NUP160: variants seen among roughly 807,000 people sequenced by gnomAD.
NUP160 encodes the protein nucleoporin 160.
Under a neutral mutation model 196.9 loss-of-function variants are expected in NUP160, and 94 were observed. That is an observed-to-expected ratio of 0.48 (90% CI 0.40 to 0.57). NUP160 has a LOEUF of 0.57. Among genes scored for constraint, NUP160 ranks in the 20% least tolerant of loss-of-function variants. The probability of loss-of-function intolerance (pLI) is 0.00; values close to 1 mark genes in which losing one functional copy is unlikely to be tolerated. For synonymous variants in NUP160, 605 were observed against 619.7 expected, an observed-to-expected ratio of 0.98 and a Z score of 0.35; for missense variants, 1,638 against 1,748.3, an observed-to-expected ratio of 0.94 and a Z score of 1.13.
intron 27 of NUP160, among the ~76,000 whole-genome samples, chr11:47,793,843 C>T (rs1003656858): frequency 1.4e-5 from 2 of 144,994 alleles, no homozygotes; most frequent in Non-Finnish European, 3.0e-5. Context: ...TGGGTTCAAG[C>T]GATTCTCCTG....
At chr11:47,791,984 G>A (rs746839583) in exon 29 of NUP160, 3 of 1,605,866 alleles carry the variant, frequency 1.9e-6, no homozygotes, top group Non-Finnish European at 2.6e-6. Context: ...GCTCCAGGGC[G>A]ATCATACTGA....
intron 27 of NUP160, chr11:47,796,378 G>T: frequency 3.6e-6 from 2 of 559,508 alleles, no homozygotes; most frequent in South Asian, 2.3e-5. Context: ...ACAAATTGCT[G>T]TTCTAAATGT....
chr11:47,812,200 T>C, exon 17 of NUP160: 5 of 1,614,130 alleles, frequency 3.1e-6, no homozygotes, highest in Non-Finnish European at 4.2e-6. Context: ...CTGGGTAAGA[T>C]TCATTCGAAT....
intron 29 of NUP160, among the ~76,000 whole-genome samples, chr11:47,790,014 C>T (rs554718752): frequency 8.6e-5 from 13 of 150,400 alleles, no homozygotes; most frequent in African/African-American, 2.7e-4. Context: ...GGCGCGATCT[C>T]GGCTCACTGC....
In NUP160 at chr11:47,848,412, G is replaced by A. The variant is rs766857567; in HGVS notation, c.9C>T (p.His3=). ...GTGGGGCGGGCGGAGCTGCGGACAG[G>A]TGAAGCATTCCGGGAGCAGAAAGGC... Residue 3 remains histidine (H), a synonymous_variant, in exon 1 of 36, where the codon CAC becomes CAT. Transcript: ENST00000378460. The A allele has an allele frequency of 6.3e-7, 1 of 1,575,060 alleles. No homozygotes were observed.
intron 35 of NUP160, among the ~76,000 whole-genome samples, 162 bp from the exon 36 acceptor site, chr11:47,779,356 T>C (rs779720068): frequency 2.0e-5 from 3 of 152,216 alleles, no homozygotes; most frequent in Non-Finnish European, 4.4e-5. Context: ...CCTCTGTGAC[T>C]CTACTGATAA....
chr11:47,788,075 C>A, intron 31 of NUP160, 107 bp downstream of exon 31: 1 of 961,038 alleles, frequency 1.0e-6, no homozygotes. Context: ...TTCTTCAAAT[C>A]ATAAATGATA....
intron 4 of NUP160, among the ~76,000 whole-genome samples, chr11:47,839,062 G>A (rs1311964514): frequency 9.2e-5 from 14 of 151,850 alleles, no homozygotes; most frequent in East Asian, 1.9e-4. Context: ...CATAAAGGAC[G>A]GCTTTACACA....
At chr11:47,788,250 G>A in exon 31 of NUP160, 1 of 1,613,986 alleles carries the variant, frequency 6.2e-7, no homozygotes. Context: ...ATATGGCAGT[G>A]TCAAAGAGGC....
chr11:47,801,002 G>A (rs776316150), intron 23 of NUP160, among the ~76,000 whole-genome samples: 6 of 152,182 alleles, frequency 3.9e-5, no homozygotes, highest in Non-Finnish European at 7.3e-5. Flanking sequence ...ACAGCAGGCA[G>A]AAAGGCCCTA....
chr11:47,780,283 TA>T, intron 35 of NUP160, 59 bp downstream of exon 35: 1 of 1,156,762 alleles, frequency 8.6e-7, no homozygotes, highest in Non-Finnish European at 1.3e-6. Context: ...GATCAAGCTG[TA>T]AGGTGTAACT....
intron 7 of NUP160, among the ~76,000 whole-genome samples, chr11:47,823,621 G>A (rs988100975): frequency 2.0e-5 from 3 of 151,732 alleles, no homozygotes; most frequent in African/African-American, 7.3e-5. Context: ...TGCAAGCTCT[G>A]CCTCCCAGGT....
chr11:47,824,313 A>T lies in NUP160; in HGVS notation c.1102-2149T>A, dbSNP rs1484472339. 2.0e-5 allele frequency among the ~76,000 whole-genome samples: 3 copies of T among 151,870 alleles called. No homozygotes were observed. In the East Asian group the frequency reaches 5.8e-4, roughly 29 times the overall value. ...GTGATTATCTCACTGTGGTAAAAAA[A>T]ATTATTTGTTGGCTGGGTGCGGTGG... is the stretch of plus-strand genomic sequence containing the variant. On this transcript the variant is annotated intron_variant, in intron 7 of 35. Transcript: ENST00000378460.
intron 7 of NUP160, among the ~76,000 whole-genome samples, chr11:47,824,817 T>G (rs911289425): frequency 2.6e-5 from 4 of 151,328 alleles, no homozygotes; most frequent in Non-Finnish European, 4.4e-5. Flanking sequence ...TTCTTTTGTT[T>G]TTTTTTTTCA....
At chr11:47,806,788 T>TACAC (rs1491520212) in intron 19 of NUP160, among the ~76,000 whole-genome samples, 59 of 106,484 alleles carry the variant, frequency 5.5e-4, no homozygotes, top group East Asian at 1.9e-3. Flanking sequence ...GGAAAGCAGC[T>TACAC]ATACACACAC....
chr11:47,813,904 T>C (rs1314671085), intron 13 of NUP160, among the ~76,000 whole-genome samples: 6 of 151,560 alleles, frequency 4.0e-5, no homozygotes, highest in African/African-American at 1.5e-4. Flanking sequence ...ACCCCGTCTC[T>C]ACTAAAAATA....
chr11:47,782,303 AATATATATATATATATATATATATAT>A (rs10529981), intron 34 of NUP160, among the ~76,000 whole-genome samples: 11,485 of 40,540 alleles, frequency 0.28, 1,905 homozygotes, highest in Admixed American at 0.39. Flanking sequence ...AAAAAAAAAA[AATATATATATATATATATATATATAT>A]ATATATATAT....
chr11:47,829,249 C>T (rs556265042), intron 7 of NUP160, among the ~76,000 whole-genome samples: 1 of 152,272 alleles, frequency 6.6e-6, no homozygotes, highest in Non-Finnish European at 1.5e-5. Context: ...TATAATGATG[C>T]TTTGGTATAT....
At chr11:47,827,294 G>A (rs1295872884) in intron 7 of NUP160, 2 of 375,812 alleles carry the variant, frequency 5.3e-6, no homozygotes, top group Non-Finnish European at 1.1e-5. Flanking sequence ...AACCTGAGAG[G>A]TGGAGGTTGC....
Sources: gnomAD v4.1 joint callset for allele counts (sites outside exome capture counted in the v4.1 genomes callset) on GRCh38, gnomAD v4.1.1 for gene constraint, MANE v1.5 for transcripts, NCBI Gene and HGNC (gene_info 2026-07-23, HGNC 2026-07-21) for gene names.